The following REEP3 variants were observed in gnomAD, a reference collection of about 807,000 sequenced individuals.
REEP3 encodes the protein receptor expression-enhancing protein 3.
A neutral mutation model predicts 41.3 loss-of-function variants in REEP3; 20 were observed. That is an observed-to-expected ratio of 0.48 (90% confidence interval 0.34 to 0.70). The LOEUF (loss-of-function observed/expected upper bound fraction) is 0.70. Ranked by LOEUF, REEP3 falls within the 30% of genes least tolerant of loss-of-function variation. The pLI is 0.01. For synonymous variants in REEP3, 104 were observed against 101.8 expected, an observed-to-expected ratio of 1.02 and a Z score of -0.13; for missense variants, 271 against 308.8, an observed-to-expected ratio of 0.88 and a Z score of 0.92.
intron 1 of REEP3, among the ~76,000 whole-genome samples, chr10:63,544,094 C>A (rs952139620): frequency 6.6e-6 from 1 of 152,162 alleles, no homozygotes; most frequent in Non-Finnish European, 1.5e-5. Context: ...TTGAAATTAT[C>A]TTCCTTGTAA....
chr10:63,557,307 T>C (rs1955697808), intron 1 of REEP3, among the ~76,000 whole-genome samples: 1 of 152,190 alleles, frequency 6.6e-6, no homozygotes, highest in African/African-American at 2.4e-5. Context: ...GTATATAACT[T>C]GAAGAGCATA....
intron 1 of REEP3, among the ~76,000 whole-genome samples, chr10:63,544,494 T>TGAG (rs1458748699): frequency 6.6e-6 from 1 of 152,014 alleles, no homozygotes. Flanking sequence ...CGATTGGGTG[T>TGAG]GAGGAGGAGG....
intron 2 of REEP3, among the ~76,000 whole-genome samples, chr10:63,585,176 C>T (rs1955993100): frequency 6.6e-6 from 1 of 152,092 alleles, no homozygotes. Flanking sequence ...AGAGTGGAAG[C>T]CATCCTCTGT....
At chr10:63,589,886 C>T (rs1329723752) in intron 2 of REEP3, among the ~76,000 whole-genome samples, 1 of 148,656 alleles carries the variant, frequency 6.7e-6, no homozygotes, top group Non-Finnish European at 1.5e-5. Flanking sequence ...CTTCCACCTC[C>T]TGGGTTCAAG....
chr10:63,568,140 G>T (rs140129719), intron 2 of REEP3, among the ~76,000 whole-genome samples: 1 of 152,066 alleles, frequency 6.6e-6, no homozygotes, highest in African/African-American at 2.4e-5. Flanking sequence ...AATACTTTGC[G>T]TATTGTTTTA....
chr10:63,543,250 A>C (rs1056241321), intron 1 of REEP3, among the ~76,000 whole-genome samples: 4 of 152,194 alleles, frequency 2.6e-5, no homozygotes, highest in Admixed American at 6.5e-5. Context: ...GGTTTTCTTT[A>C]ATCTTTCTCA....
At chr10:63,603,594 G>A (rs1377658499) in intron 5 of REEP3, among the ~76,000 whole-genome samples, 1 of 152,100 alleles carries the variant, frequency 6.6e-6, no homozygotes, top group Non-Finnish European at 1.5e-5. Context: ...TGCAAAACAA[G>A]TAGAAGCCCA....
rs1956353027 is a variant in REEP3, at chr10:63,621,460, A to C, written c.*591A>C. On this transcript the variant is annotated 3_prime_UTR_variant, in exon 8 of 8. Coordinates refer to ENST00000373758, the MANE Select transcript of REEP3 (RefSeq NM_001001330.3). ...CTTTTATTCCTGACTAGTTTTGCAC[A>C]CTTGAAAATTGTTTACTTATTTTAC... 6.6e-6 allele frequency: 1 copy of C among 152,652 alleles called. No homozygotes were observed. Among genetic ancestry groups the C allele is most frequent in the Non-Finnish European group, 1.5e-5 (1 of 68,036 alleles). The allele number at this position is 152,652 out of a possible 1,614,324, so 9.5% of individuals were successfully genotyped here.
intron 5 of REEP3, among the ~76,000 whole-genome samples, chr10:63,604,647 A>T (rs1397361813): frequency 6.6e-6 from 1 of 152,172 alleles, no homozygotes; most frequent in Non-Finnish European, 1.5e-5. Flanking sequence ...AGTATTATAC[A>T]CTTAAAAAAA....
chr10:63,591,770 T>G (rs943257061), intron 2 of REEP3, among the ~76,000 whole-genome samples: 1 of 152,236 alleles, frequency 6.6e-6, no homozygotes, highest in African/African-American at 2.4e-5. Context: ...TTTGAAATCT[T>G]CAGAATGTGC....
At chr10:63,535,620 G>A (rs1243103066) in intron 1 of REEP3, among the ~76,000 whole-genome samples, 1 of 152,144 alleles carries the variant, frequency 6.6e-6, no homozygotes, top group African/African-American at 2.4e-5. Context: ...TTACAACCTT[G>A]TAGTATTGTT....
At chr10:63,557,696 G>A (rs1165588125) in intron 1 of REEP3, among the ~76,000 whole-genome samples, 3 of 152,082 alleles carry the variant, frequency 2.0e-5, no homozygotes, top group Non-Finnish European at 2.9e-5. Context: ...GCTCTGTTAT[G>A]TTCTTTCAAA....
At chr10:63,568,139 C>A (rs540330620) in intron 2 of REEP3, among the ~76,000 whole-genome samples, 2 of 151,994 alleles carry the variant, frequency 1.3e-5, no homozygotes, top group African/African-American at 2.4e-5. Context: ...AAATACTTTG[C>A]GTATTGTTTT....
intron 2 of REEP3, among the ~76,000 whole-genome samples, chr10:63,570,763 G>C (rs1235218614): frequency 2.0e-5 from 3 of 152,180 alleles, no homozygotes; most frequent in Non-Finnish European, 4.4e-5. Flanking sequence ...ATCTGCCTTT[G>C]ACAGGGAAAT....
intron 3 of REEP3, 69 bp from the exon 4 acceptor site, chr10:63,597,955 G>A (rs1310093228): frequency 7.2e-7 from 1 of 1,391,270 alleles, no homozygotes; most frequent in Non-Finnish European, 9.8e-7. Flanking sequence ...TTTTTAAAAG[G>A]TGTTTTTGTG....
At chr10:63,605,260 G>A (rs1460505418) in intron 5 of REEP3, among the ~76,000 whole-genome samples, 2 of 152,022 alleles carry the variant, frequency 1.3e-5, no homozygotes, top group African/African-American at 2.4e-5. Context: ...CAGTAAATAC[G>A]TATTGCTTTA....
At chr10:63,603,129 C>T (rs560874565) in intron 5 of REEP3, among the ~76,000 whole-genome samples, 1 of 151,498 alleles carries the variant, frequency 6.6e-6, no homozygotes, top group Non-Finnish European at 1.5e-5. Context: ...CTGGCTAACA[C>T]AGTGAAACCC....
intron 1 of REEP3, among the ~76,000 whole-genome samples, chr10:63,545,990 A>G (rs775567557): frequency 6.6e-6 from 1 of 152,218 alleles, no homozygotes; most frequent in Non-Finnish European, 1.5e-5. Context: ...TTAGCCACAC[A>G]GATTCTGGGG....
chr10:63,585,686 A>G (rs1564485119), intron 2 of REEP3, among the ~76,000 whole-genome samples: 1 of 152,216 alleles, frequency 6.6e-6, no homozygotes, highest in East Asian at 1.9e-4. Flanking sequence ...TACAATTATA[A>G]CATTTAACTT....
Sources: gnomAD v4.1 joint callset for allele counts (sites outside exome capture counted in the v4.1 genomes callset) on GRCh38, gnomAD v4.1.1 for gene constraint, MANE v1.5 for transcripts, NCBI Gene and HGNC (gene_info 2026-07-23, HGNC 2026-07-21) for gene names.